The following ABCB9 variants were observed in gnomAD, a reference collection of about 807,000 sequenced individuals.
ABCB9 encodes the protein ABC-type oligopeptide transporter ABCB9.
Under a neutral mutation model 62.0 loss-of-function variants are expected in ABCB9, and 36 were observed. The observed-to-expected ratio is 0.58, with a 90% CI of 0.45 to 0.77. The LOEUF (loss-of-function observed/expected upper bound fraction) is 0.77, where lower values mean the gene tolerates loss of function less well. ABCB9 is among the 30% of genes least tolerant of loss of function. The pLI is 0.00. For synonymous variants in ABCB9, 435 were observed against 461.4 expected (o/e 0.94, Z 0.73); for missense variants, 943 against 1,054.7 (o/e 0.89, Z 1.47).
downstream of ABCB9, among the ~76,000 whole-genome samples, chr12:122,928,682 G>A (rs373805613): frequency 2.2e-4 from 33 of 152,106 alleles, no homozygotes; most frequent in African/African-American, 6.8e-4. Flanking sequence ...CCTGGGCCCC[G>A]ATGGAAAAGA....
intron 1 of ABCB9, among the ~76,000 whole-genome samples, chr12:122,973,665 T>A (rs547036482): frequency 8.1e-6 from 1 of 123,738 alleles, no homozygotes; most frequent in South Asian, 3.0e-4. Flanking sequence ...ATCAAGACCA[T>A]CCTGGCTAAC....
chr12:122,923,375 C>T (rs942111272), intron 11 of ABCB9, among the ~76,000 whole-genome samples: 3 of 152,212 alleles, frequency 2.0e-5, no homozygotes, highest in African/African-American at 4.8e-5. Flanking sequence ...GCAAGCTCCG[C>T]CTCCCGGGTT....
In ABCB9 at chr12:122,930,143, T is replaced by A; in HGVS notation, c.2069A>T (p.Gln690Leu). The change falls in exon 12 of 12, where the codon CAG (glutamine) becomes CTG (leucine). Residue 690 changes from glutamine to leucine, a missense_variant. Transcript: ENST00000280560. The surrounding 1 kb of genome is among the most constrained non-coding windows in gnomAD (Gnocchi z 4.9). ...LIQQAIHGNL[Q>L]KHTVLIIAHR... ...CGCGATGATGAGTACCGTGTGCTTC[T>A]GCAGGTTGCCATGGATGGCCTGCTG... is the stretch of plus-strand genomic sequence containing the variant. The A allele has an allele frequency of 1.9e-6, 3 of 1,551,542 alleles. No homozygotes were observed. In the African/African-American group the frequency reaches 4.1e-5, roughly 21 times the overall value.
At position 122,929,774 on chromosome 12, in the gene ABCB9, G is replaced by A. The variant is rs1195691686; in HGVS notation, c.*137C>T. 1.1e-5 allele frequency: 16 copies of A among 1,416,392 alleles called. No individual in the cohort carries two copies. Among genetic ancestry groups the A allele is most frequent in the East Asian group, 5.0e-5 (2 of 39,706 alleles). The allele number at this position is 1,416,392 out of a possible 1,614,324, so 87.7% of individuals were successfully genotyped here. A position where few individuals can be genotyped will look rare whatever the true frequency, so the allele number is the denominator to read the frequency against. ...GGACCAGGGGCAAGATGCAGGAAGCGGTGATCCATGGGACATGGCAGGTCG... is the reference window on the plus strand; with the variant it reads ...GGACCAGGGGCAAGATGCAGGAAGCAGTGATCCATGGGACATGGCAGGTCG... On this transcript the variant is annotated 3_prime_UTR_variant, in exon 12 of 12. Coordinates refer to ENST00000280560, the MANE Select transcript of ABCB9 (RefSeq NM_019625.4). The surrounding 1 kb of genome is among the most constrained non-coding windows in gnomAD (Gnocchi z 6.0).
upstream of ABCB9, among the ~76,000 whole-genome samples, chr12:122,970,817 G>C (rs2037261920): frequency 6.6e-6 from 1 of 152,206 alleles, no homozygotes; most frequent in South Asian, 2.1e-4. Flanking sequence ...CCAGACAACA[G>C]AATATTATTC....
chr12:122,923,567 A>G lies in ABCB9; in HGVS notation c.2041-2524T>C, dbSNP rs532980091. Among the ~76,000 whole-genome samples the G allele has an allele frequency of 5.1e-4, 77 of 152,166 alleles. 1 individual carries two copies. The highest frequency in any genetic ancestry group is 1.3e-3 in the African/African-American group (54 of 41,540). On this transcript the variant is annotated intron_variant, in intron 11 of 11. Coordinates refer to the ABCB9 transcript ENST00000344275. ...GCCTCCCAAAGTGCTGGGATTACAG[A>G]CATGAGCCAGGGCGCCCAGCCACAC...
At chr12:122,950,418 T>C in intron 3 of ABCB9, 33 bp downstream of exon 3, 2 of 1,577,248 alleles carry the variant, frequency 1.3e-6, no homozygotes, top group Non-Finnish European at 1.7e-6. Context: ...GGTCGGGGTG[T>C]GCGGGGCAGG....
In ABCB9 at chr12:122,948,657, C is replaced by G; in HGVS notation, c.1020G>C (p.Met340Ile). The change falls in exon 5 of 12, where the codon ATG becomes ATC. Residue 340 changes from methionine to isoleucine, a missense_variant. By Grantham distance (10) the Met-to-Ile change is conservative. Coordinates refer to ENST00000280560, the MANE Select transcript of ABCB9 (RefSeq NM_019625.4). ...ACTTGCCGTAGATGTTGGACACCAT[C>G]ATGATGATGGGGAAGCCCATGAAGG... ...LVTFMGFPII[M>I]MVSNIYGKYY... The G allele has an allele frequency of 1.9e-6, 3 of 1,613,834 alleles. No homozygotes were observed. Among genetic ancestry groups the G allele is most frequent in the East Asian group, 2.2e-5 (1 of 44,868 alleles).
In ABCB9 at chr12:122,944,660, TCTTCCAAGGCTTGTCACTCATGC is replaced by T. The variant is rs2035942092; in HGVS notation, c.1252-164_1252-142del. 3 of 1,219,948 alleles carry T rather than the reference TCTTCCAAGGCTTGTCACTCATGC, an allele frequency of 2.5e-6. No homozygotes were observed. The East Asian group carries it at 7.7e-5, about 31-fold the overall frequency. 75.6% of individuals were successfully genotyped at this position (1,219,948 alleles called of 1,614,324 possible). A position where few individuals can be genotyped will look rare whatever the true frequency, so the allele number is the denominator to read the frequency against. On this transcript the variant is annotated intron_variant, in intron 6 of 11. Transcript: ENST00000280560. The surrounding 1 kb of genome is among the most constrained non-coding windows in gnomAD (Gnocchi z 4.9). ...GAAATGCCGGCCGTTGGCAGGGGTG[TCTTCCAAGGCTTGTCACTCATGC>T]CTTCCCCTGCCCCGAGCATTTCCCT...
intron 1 of ABCB9, among the ~76,000 whole-genome samples, chr12:122,971,634 T>C (rs2037271917): frequency 6.6e-6 from 1 of 152,016 alleles, no homozygotes; most frequent in Admixed American, 6.6e-5. Context: ...GTATTTTTCA[T>C]AGAGACGGGA....
intron 1 of ABCB9, among the ~76,000 whole-genome samples, chr12:122,960,627 C>T (rs2036841990): frequency 6.6e-6 from 1 of 152,106 alleles, no homozygotes; most frequent in African/African-American, 2.4e-5. Flanking sequence ...CCTGTAATCC[C>T]AGCACTTTGG....
chr12:122,920,250 T>C (rs1378733411), downstream of ABCB9, among the ~76,000 whole-genome samples: 1 of 152,034 alleles, frequency 6.6e-6, no homozygotes, highest in African/African-American at 2.4e-5. Context: ...AGAGAAACCA[T>C]TGGCGATGCT....
chr12:122,964,361 C>T lies in ABCB9; in HGVS notation c.-88+1926G>A, dbSNP rs2037065262. Among the ~76,000 whole-genome samples, 3 of 152,174 alleles carry T rather than the reference C, an allele frequency of 2.0e-5. No individual in the cohort carries two copies. The highest frequency in any genetic ancestry group is 4.8e-5 in the African/African-American group (2 of 41,440). Reference sequence around the variant, plus strand: ...TAAACAAAATTTCAAACACTCATATCGCAGACTACCAAAGCCACATTTTGC... The same window carrying T: ...TAAACAAAATTTCAAACACTCATATTGCAGACTACCAAAGCCACATTTTGC... On this transcript the variant is annotated intron_variant, in intron 1 of 11. Transcript: ENST00000280560. The surrounding 1 kb of genome is among the most constrained non-coding windows in gnomAD (Gnocchi z 4.7).
intron 2 of ABCB9, among the ~76,000 whole-genome samples, chr12:122,958,291 G>T (rs376443797): frequency 5.5e-4 from 84 of 151,936 alleles, no homozygotes; most frequent in African/African-American, 2.0e-3. Context: ...ATATTATGAA[G>T]CCAAATAAAA....
At chr12:122,928,051 C>T (rs1411562354), downstream of ABCB9, among the ~76,000 whole-genome samples, 2 of 152,166 alleles carry the variant, frequency 1.3e-5, no homozygotes, top group Non-Finnish European at 2.9e-5. Flanking sequence ...TTGTCAAACC[C>T]CTGAACCTGT....
downstream of ABCB9, among the ~76,000 whole-genome samples, chr12:122,927,792 C>T (rs1440997828): frequency 1.3e-5 from 2 of 152,104 alleles, no homozygotes; most frequent in South Asian, 4.1e-4. Flanking sequence ...CTGGAGACCA[C>T]CTCTACACAT....
intron 6 of ABCB9, among the ~76,000 whole-genome samples, chr12:122,945,606 G>A (rs886417716): frequency 2.0e-5 from 3 of 152,172 alleles, no homozygotes; most frequent in African/African-American, 2.4e-5. Context: ...AGCAGGGCGC[G>A]GTGGCTCACG....
chr12:122,932,216 AG>A lies in ABCB9; in HGVS notation c.2015del (p.Ala672ValfsTer9). The A allele has an allele frequency of 6.4e-7, 1 of 1,552,778 alleles. No individual in the cohort carries two copies. The highest frequency in any genetic ancestry group is 8.7e-7 in the Non-Finnish European group (1 of 1,147,902). On this transcript the variant is annotated frameshift_variant, in exon 11 of 12. Transcript: ENST00000280560. LOFTEE classifies it low-confidence loss of function (END_TRUNC). This position sits in a 1 kb window ranked among gnomAD's most constrained non-coding sequence, Gnocchi z 4.7. ...CCAGATACTCGCTCTCGGCATCCAA[AG>A]CGCTGGTGGCTTCATCCAGGATGAG... ...PVLILDEATSALDAESEYLIQ... is the reference protein window; with the variant it reads ...PVLILDEATSXLDAESEYLIQ...
At chr12:122,972,862 T>C (rs1442764602) in intron 1 of ABCB9, 2 of 152,154 alleles carry the variant, frequency 1.3e-5, no homozygotes, top group Non-Finnish European at 2.9e-5. Context: ...TACAGACATA[T>C]ACATATGATT....
Sources: gnomAD v4.1 joint callset for allele counts (sites outside exome capture counted in the v4.1 genomes callset) on GRCh38, gnomAD v4.1.1 for gene constraint, Gnocchi (gnomAD v3.1) non-coding constraint, MANE v1.5 for transcripts, NCBI Gene and HGNC (gene_info 2026-07-23, HGNC 2026-07-21) for gene names.